ANO9: variants seen among roughly 807,000 people sequenced by gnomAD.
ANO9 encodes the protein anoctamin-9.
ANO9 carries 80 observed loss-of-function variants against 100.5 expected under a neutral mutation model. That is an observed-to-expected ratio of 0.80 (90% CI 0.66 to 0.96). The LOEUF (loss-of-function observed/expected upper bound fraction) is 0.96, where lower values mean the gene tolerates loss of function less well. ANO9 is among the 40% of genes least tolerant of loss of function. The pLI is 0.00. For synonymous variants in ANO9, 473 were observed against 435.6 expected, an observed-to-expected ratio of 1.09 and a Z score of -1.07; for missense variants, 1,064 against 1,072.7, an observed-to-expected ratio of 0.99 and a Z score of 0.11.
intron 15 of ANO9, among the ~76,000 whole-genome samples, chr11:426,706 A>G (rs528063387): frequency 6.6e-6 from 1 of 152,204 alleles, no homozygotes; most frequent in Middle Eastern, 3.2e-3. Context: ...ACACTCAGGA[A>G]GCAACCCAGC....
chr11:437,373 C>T (rs997899630), intron 1 of ANO9, among the ~76,000 whole-genome samples: 4 of 152,198 alleles, frequency 2.6e-5, no homozygotes, highest in Admixed American at 2.0e-4. Flanking sequence ...ACCATCTGAG[C>T]ACCCAGTGCC....
In ANO9 at chr11:432,351, AACCACACCTCCC is replaced by A; in HGVS notation, c.351-309_351-298del. 1 of 488,714 alleles carries A rather than the reference AACCACACCTCCC, an allele frequency of 2.0e-6. No individual in the cohort carries two copies. Among genetic ancestry groups the A allele is most frequent in the Middle Eastern group, 5.6e-4 (1 of 1,770 alleles). 30.3% of individuals were successfully genotyped at this position (488,714 alleles called of 1,614,324 possible). A position where few individuals can be genotyped will look rare whatever the true frequency, so the allele number is the denominator to read the frequency against. On this transcript the variant is annotated intron_variant, in intron 4 of 22. Transcript: ENST00000332826. This position sits in a 1 kb window ranked among gnomAD's most constrained non-coding sequence, Gnocchi z 4.8. Reference sequence around the variant, plus strand: ...AGCCCAGACCACAGCCCGCACCTGCAACCACACCTCCCACCTGCGGGCCCCATGTGTCCAGAG... The same window carrying A: ...AGCCCAGACCACAGCCCGCACCTGCAACCTGCGGGCCCCATGTGTCCAGAG...
chr11:429,736 G>T (rs1336158641), intron 10 of ANO9, 22 bp downstream of exon 10: 3 of 1,611,680 alleles, frequency 1.9e-6, no homozygotes, highest in Non-Finnish European at 2.5e-6. Flanking sequence ...TGGCCCCGCA[G>T]AGGCGTCCCG....
chr11:441,948 A>G lies in ANO9; in HGVS notation c.-22T>C, dbSNP rs150989809. 5.4e-3 allele frequency: 8,604 copies of G among 1,605,888 alleles called. 368 individuals carry two copies. In the African/African-American group the frequency reaches 0.098, roughly 18 times the overall value. On this transcript the variant is annotated 5_prime_UTR_variant, in exon 1 of 23. Transcript: ENST00000332826. ...GCATGCTGGCTGTGGCCGGAGTTCC[A>G]GCTGGGGTTTGGCGGCCAGGAGAGT...
rs1255448585 is a variant in ANO9 at position 432,439 on chromosome 11, C to T, written c.351-385G>A. 1.2e-5 allele frequency: 3 copies of T among 257,136 alleles called. No individual in the cohort carries two copies. The highest frequency in any genetic ancestry group is 2.3e-5 in the Non-Finnish European group (3 of 131,310). 15.9% of individuals were successfully genotyped at this position (257,136 alleles called of 1,614,324 possible). Reference sequence around the variant, plus strand: ...ACCCTCCTTATACCCTGGAGCTGTTCTGTTCCACTGTGCAGAGCAGAGACT... The same window carrying T: ...ACCCTCCTTATACCCTGGAGCTGTTTTGTTCCACTGTGCAGAGCAGAGACT... On this transcript the variant is annotated intron_variant, in intron 4 of 22. Transcript: ENST00000332826. The surrounding 1 kb of genome is among the most constrained non-coding windows in gnomAD (Gnocchi z 4.8).
intron 1 of ANO9, among the ~76,000 whole-genome samples, chr11:435,536 C>G: frequency 7.7e-6 from 1 of 129,986 alleles, no homozygotes; most frequent in South Asian, 2.6e-4. Flanking sequence ...CTAGTCTAGT[C>G]TAGTCTAGTA....
chr11:435,349 G>A (rs1457962458), intron 1 of ANO9, among the ~76,000 whole-genome samples: 1 of 151,916 alleles, frequency 6.6e-6, no homozygotes. Context: ...GTCTAGTCTA[G>A]TCTGGTCTAG....
intron 18 of ANO9, 45 bp from the exon 19 acceptor site, chr11:420,660 C>A: frequency 6.2e-7 from 1 of 1,600,384 alleles, no homozygotes; most frequent in Non-Finnish European, 8.5e-7. Flanking sequence ...CACTCATGTC[C>A]GCGGACCCCC....
intron 1 of ANO9, chr11:440,668 C>G (rs950474196): frequency 3.9e-4 from 60 of 152,268 alleles, no homozygotes; most frequent in African/African-American, 1.3e-3. Flanking sequence ...TAGCTGGGAC[C>G]GCAGGCTCAT....
chr11:428,087 C>T lies in ANO9; in HGVS notation c.1334+1G>A. The T allele has an allele frequency of 6.2e-7, 1 of 1,600,836 alleles. No individual in the cohort carries two copies. Among genetic ancestry groups the T allele is most frequent in the Non-Finnish European group, 8.5e-7 (1 of 1,176,550 alleles). On this transcript the variant is annotated splice_donor_variant, in intron 15 of 22. Transcript: ENST00000332826. LOFTEE classifies it high-confidence loss of function. ...TGGAGGGAGCCTGGCGCCGGCCCTA[C>T]CTGCCCAGGATGAAGGCGATGTAGA...
chr11:433,379 C>T lies in ANO9; in HGVS notation c.285G>A (p.Leu95=), dbSNP rs370863160. The change falls in exon 4 of 23, where the codon CTG becomes CTA. Residue 95 remains leucine (L), a synonymous_variant. Coordinates refer to ENST00000332826, the MANE Select transcript of ANO9 (RefSeq NM_001012302.3). ...SVFGLYRTLL[L]EPEGPAPHAE... ...CGTGGGGGGCAGGCCCCTCAGGCTC[C>T]AGGAGGAGAGTGCGGTACAGGCCAA... 1 of 1,613,120 alleles carries T rather than the reference C, an allele frequency of 6.2e-7. No individual in the cohort carries two copies. Among genetic ancestry groups the T allele is most frequent in the African/African-American group, 1.3e-5 (1 of 75,022 alleles).
intron 15 of ANO9, among the ~76,000 whole-genome samples, chr11:427,864 A>G (rs1047810263): frequency 3.3e-5 from 5 of 150,854 alleles, no homozygotes; most frequent in Admixed American, 6.6e-5. Context: ...CTGCAAATGC[A>G]TGAAAAAGCC....
At position 419,629 on chromosome 11, in the gene ANO9, G is replaced by A; in HGVS notation, c.1887C>T (p.Tyr629=). ...TCAGGCATGGGCTATAGCGGTACTT[G>A]TAGACCACTCGGGGGATGAACTCAG... ...FTSEFIPRVV[Y]KYRYSPCLKE... The change falls in exon 20 of 23, where the codon TAC becomes TAT. Residue 629 remains tyrosine, a synonymous_variant. Coordinates refer to ENST00000332826, the MANE Select transcript of ANO9 (RefSeq NM_001012302.3). The A allele has an allele frequency of 6.2e-7, 1 of 1,613,606 alleles. No homozygotes were observed. Among genetic ancestry groups the A allele is most frequent in the Non-Finnish European group, 8.5e-7 (1 of 1,179,904 alleles).
At chr11:439,799 C>G (rs956491372) in intron 1 of ANO9, among the ~76,000 whole-genome samples, 1 of 147,672 alleles carries the variant, frequency 6.8e-6, no homozygotes, top group African/African-American at 2.7e-5. Context: ...CCAGCTGGCT[C>G]TGCGCTCCTG....
At chr11:425,389 C>G (rs1375497842) in intron 15 of ANO9, among the ~76,000 whole-genome samples, 2 of 151,616 alleles carry the variant, frequency 1.3e-5, no homozygotes, top group Non-Finnish European at 2.9e-5. Context: ...TAAAGACATT[C>G]AAGAAAAAGA....
At position 422,352 on chromosome 11, in the gene ANO9, G is replaced by A. The variant is rs1848247691; in HGVS notation, c.1335-1154C>T. 1.3e-5 allele frequency among the ~76,000 whole-genome samples: 2 copies of A among 152,250 alleles called. No individual in the cohort carries two copies. The highest frequency in any genetic ancestry group is 4.8e-5 in the African/African-American group (2 of 41,464). ...GCTCATTCTTGGAGCCTGTGACCAC[G>A]TTCTTACCTGGCAAAGGAATTTTAT... is the stretch of plus-strand genomic sequence containing the variant. On this transcript the variant is annotated intron_variant, in intron 15 of 22. Coordinates refer to ENST00000332826, the MANE Select transcript of ANO9 (RefSeq NM_001012302.3). The surrounding 1 kb of genome is among the most constrained non-coding windows in gnomAD (Gnocchi z 4.3).
chr11:437,026 G>A (rs938342475), intron 1 of ANO9, among the ~76,000 whole-genome samples: 8 of 127,060 alleles, frequency 6.3e-5, no homozygotes, highest in African/African-American at 1.2e-4. Context: ...GGAGATGAGC[G>A]GGGGGTGAGC....
Position 428,710 on chromosome 11 carries a change from T to C in ANO9, c.1020+12A>G, listed in dbSNP as rs1367885105. ...CCGGGTCTCCAGCCCCACCGCGGTG[T>C]CCCCTGCGTACCATGAGCAGGGTCA... is the stretch of plus-strand genomic sequence containing the variant. On this transcript the variant is annotated intron_variant, in intron 12 of 22. Coordinates refer to ENST00000332826, the MANE Select transcript of ANO9 (RefSeq NM_001012302.3). 6.2e-7 allele frequency: 1 copy of C among 1,612,882 alleles called. No homozygotes were observed. The highest frequency in any genetic ancestry group is 1.7e-5 in the Admixed American group (1 of 60,020).
chr11:432,221 A>C lies in ANO9; in HGVS notation c.351-167T>G. On this transcript the variant is annotated intron_variant, in intron 4 of 22. Coordinates refer to ENST00000332826, the MANE Select transcript of ANO9 (RefSeq NM_001012302.3). This position sits in a 1 kb window ranked among gnomAD's most constrained non-coding sequence, Gnocchi z 4.8. ...GAATCCACAACTCACCCGGGAGCCC[A>C]CCCCGCACCCTCCTTAAAGTGCTCC... 1 of 687,554 alleles carries C rather than the reference A, an allele frequency of 1.5e-6. No individual in the cohort carries two copies. Among genetic ancestry groups the C allele is most frequent in the Non-Finnish European group, 2.4e-6 (1 of 412,298 alleles). 42.6% of individuals were successfully genotyped at this position (687,554 alleles called of 1,614,324 possible). A position where few individuals can be genotyped will look rare whatever the true frequency, so the allele number is the denominator to read the frequency against.
Sources: allele counts gnomAD v4.1 joint callset (sites outside exome capture counted in the v4.1 genomes callset), GRCh38; gene constraint gnomAD v4.1.1; non-coding constraint Gnocchi (gnomAD v3.1); transcripts MANE v1.5; gene names NCBI Gene and HGNC (gene_info 2026-07-23, HGNC 2026-07-21).